PCSK5: variants seen among roughly 807,000 people sequenced by gnomAD.
PCSK5 encodes prohormone convertase 5.
PCSK5 carries 129 observed loss-of-function variants against 233.2 expected under a neutral mutation model. The ratio of observed to expected loss-of-function variants is 0.55; its 90% CI spans 0.48 to 0.64. The LOEUF (loss-of-function observed/expected upper bound fraction) is 0.64, where lower values mean the gene tolerates loss of function less well. PCSK5 is among the 30% of genes least tolerant of loss of function. The pLI is 0.00. For synonymous variants in PCSK5, 825 were observed against 879.2 expected (o/e 0.94, Z 1.09); for missense variants, 2,076 against 2,430.1 (o/e 0.85, Z 3.06).
At chr9:76,277,511 G>A (rs1827731505) in intron 24 of PCSK5, among the ~76,000 whole-genome samples, 1 of 152,158 alleles carries the variant, frequency 6.6e-6, no homozygotes, top group South Asian at 2.1e-4. Context: ...GCCAACATTT[G>A]TAGACAATAA....
intron 20 of PCSK5, among the ~76,000 whole-genome samples, chr9:76,199,111 G>T (rs1824813459): frequency 6.6e-6 from 1 of 152,146 alleles, no homozygotes; most frequent in Non-Finnish European, 1.5e-5. Context: ...TTGACAGCAG[G>T]GATATGTCTG....
At chr9:76,213,291 G>A (rs931909353) in intron 20 of PCSK5, among the ~76,000 whole-genome samples, 8 of 152,180 alleles carry the variant, frequency 5.3e-5, no homozygotes, top group Non-Finnish European at 2.9e-5. Flanking sequence ...GATAGTTGAA[G>A]TTTTCCAAAA....
At chr9:75,893,559 G>A (rs1181439712) in intron 1 of PCSK5, among the ~76,000 whole-genome samples, 1 of 152,138 alleles carries the variant, frequency 6.6e-6, no homozygotes, top group Admixed American at 6.5e-5. Context: ...TAATTGAGCA[G>A]AACTGGTATA....
intron 7 of PCSK5, among the ~76,000 whole-genome samples, chr9:76,081,826 T>C (rs1269825865): frequency 1.3e-5 from 2 of 152,158 alleles, no homozygotes; most frequent in African/African-American, 4.8e-5. Context: ...TTCCTCATGC[T>C]AGTCATCTAG....
chr9:76,053,237 G>A (rs1182347444), intron 5 of PCSK5, among the ~76,000 whole-genome samples: 1 of 152,150 alleles, frequency 6.6e-6, no homozygotes, highest in African/African-American at 2.4e-5. Context: ...CTTTTGGGGG[G>A]GCTCCCACCC....
rs184034845 is a variant in PCSK5, at chr9:75,903,574, G to A, written c.192+12201G>A. 8.7e-4 allele frequency among the ~76,000 whole-genome samples: 100 copies of A among 115,448 alleles called. 3 individuals are homozygous for A. Among genetic ancestry groups the A allele is most frequent in the Admixed American group, 6.6e-3 (78 of 11,844 alleles). 75.7% of individuals were successfully genotyped at this position (115,448 alleles called of 152,430 possible). ...CATGTGTGTATATATGTGTGTGTGT[G>A]TATATATATATATAAAATATATATT... On this transcript the variant is annotated intron_variant, in intron 1 of 37. Transcript: ENST00000674117.
At chr9:76,012,307 A>C (rs1827761092) in intron 3 of PCSK5, among the ~76,000 whole-genome samples, 1 of 152,208 alleles carries the variant, frequency 6.6e-6, no homozygotes. Context: ...TAAATCGTAC[A>C]CATCAGATTG....
chr9:76,203,916 T>G (rs1825011260), intron 20 of PCSK5, among the ~76,000 whole-genome samples: 1 of 152,160 alleles, frequency 6.6e-6, no homozygotes, highest in South Asian at 2.1e-4. Context: ...ACTAGCTGTG[T>G]GATCTTAGGG....
chr9:76,027,701 AAG>A (rs1828488845), intron 5 of PCSK5, among the ~76,000 whole-genome samples: 1 of 152,086 alleles, frequency 6.6e-6, no homozygotes. Flanking sequence ...TCAGGCAAGT[AAG>A]AGAGAATGGG....
At chr9:75,955,287 G>A (rs1825046823) in intron 2 of PCSK5, among the ~76,000 whole-genome samples, 1 of 152,082 alleles carries the variant, frequency 6.6e-6, no homozygotes, top group Non-Finnish European at 1.5e-5. Context: ...ATATAGAGCA[G>A]GAAGGGGGAA....
intron 6 of PCSK5, 137 bp from the exon 7 acceptor site, chr9:76,071,589 C>G (rs1830482237): frequency 1.4e-6 from 1 of 709,310 alleles, no homozygotes; most frequent in South Asian, 2.1e-5. Flanking sequence ...ATACATTATC[C>G]TTTTGCTGGG....
intron 1 of PCSK5, among the ~76,000 whole-genome samples, chr9:75,912,618 T>C (rs951397703): frequency 6.6e-6 from 1 of 152,186 alleles, no homozygotes; most frequent in Non-Finnish European, 1.5e-5. Context: ...CAGACTTGCA[T>C]GCACAGTCAG....
chr9:76,040,152 A>C (rs1382038809), intron 5 of PCSK5, among the ~76,000 whole-genome samples: 1 of 152,174 alleles, frequency 6.6e-6, no homozygotes, highest in Admixed American at 6.5e-5. Context: ...CTGTCTTAAG[A>C]GTCTTGGTTG....
At chr9:76,117,940 T>C (rs956902529) in intron 9 of PCSK5, among the ~76,000 whole-genome samples, 5 of 152,096 alleles carry the variant, frequency 3.3e-5, no homozygotes, top group African/African-American at 4.8e-5. Context: ...GCGAACAACT[T>C]GGAAGAATGT....
intron 28 of PCSK5, 53 bp from the exon 29 acceptor site, chr9:76,308,592 C>T (rs1828773580): frequency 1.0e-6 from 1 of 990,566 alleles, no homozygotes. Context: ...GTACTGGAAT[C>T]CTATGTGCCT....
chr9:76,355,503 A>G (rs1830278578), intron 37 of PCSK5, among the ~76,000 whole-genome samples: 1 of 152,112 alleles, frequency 6.6e-6, no homozygotes. Context: ...AAAAAAAGAA[A>G]CATATATTCT....
chr9:76,204,777 T>C (rs1255347893), intron 20 of PCSK5, among the ~76,000 whole-genome samples: 1 of 152,166 alleles, frequency 6.6e-6, no homozygotes, highest in Non-Finnish European at 1.5e-5. Context: ...AATGAATGAA[T>C]AAAAATACCG....
intron 20 of PCSK5, among the ~76,000 whole-genome samples, chr9:76,212,679 G>A (rs1280185702): frequency 6.6e-6 from 1 of 152,106 alleles, no homozygotes; most frequent in Non-Finnish European, 1.5e-5. Flanking sequence ...TTTCCTATAT[G>A]CAGGTTGTCA....
chr9:75,942,131 A>G (rs561946921), intron 2 of PCSK5, among the ~76,000 whole-genome samples: 1 of 152,192 alleles, frequency 6.6e-6, no homozygotes, highest in Admixed American at 6.5e-5. Context: ...AGCGTAGCGC[A>G]CTCGTTGCCT....
Sources: allele counts gnomAD v4.1 joint callset (sites outside exome capture counted in the v4.1 genomes callset), GRCh38; gene constraint gnomAD v4.1.1; transcripts MANE v1.5; gene names NCBI Gene and HGNC (gene_info 2026-07-23, HGNC 2026-07-21).